The following GPR143 variants were observed in gnomAD, a reference collection of about 807,000 sequenced individuals.
GPR143 encodes G-protein coupled receptor 143.
A neutral mutation model predicts 27.6 loss-of-function variants in GPR143; 8 were observed. The observed-to-expected ratio is 0.29, with a 90% CI of 0.17 to 0.52. The LOEUF is 0.52. Among genes scored for constraint, GPR143 ranks in the 20% least tolerant of loss-of-function variants. GPR143 has a pLI of 0.96. For missense variants in GPR143, 303 were observed against 343.1 expected (o/e 0.88, Z 0.92); for synonymous variants, 156 against 153.2 (o/e 1.02, Z -0.13).
chrX:9,762,182 G>A (rs2083505462), intron 1 of GPR143, among the ~76,000 whole-genome samples: 1 of 111,349 alleles, frequency 9.0e-6, no homozygotes, highest in Admixed American at 9.6e-5. Flanking sequence ...CTGAGGTCAG[G>A]AGTTTAAGAC....
chrX:9,736,405 T>G (rs1320670719), intron 8 of GPR143, among the ~76,000 whole-genome samples: 1 of 111,142 alleles, frequency 9.0e-6, no homozygotes, highest in African/African-American at 3.3e-5. Flanking sequence ...ATTCAAAGGG[T>G]GACTAGATGT....
intron 5 of GPR143, among the ~76,000 whole-genome samples, chrX:9,743,922 A>G (rs1259817987): frequency 2.7e-5 from 3 of 112,976 alleles, no homozygotes; most frequent in African/African-American, 6.4e-5. Context: ...GATAAAAGAT[A>G]GCACAGAGAG....
Position 9,748,619 on chromosome X carries a change from A to G in GPR143, c.503T>C (p.Leu168Pro). Residue 168 changes from leucine (L) to proline (P), a missense_variant, in exon 4 of 9, where the codon CTC (leucine) becomes CCC (proline). Physicochemically the swap from Leu to Pro is moderately conservative, Grantham distance 98 (BLOSUM62 -3). Transcript: ENST00000467482. Reference sequence around the variant, plus strand: ...GAGCATGGCGGCTCCCTCCACACAGAGCAGGGTGGCCAGGCCCCACGCCAT... The same window carrying G: ...GAGCATGGCGGCTCCCTCCACACAGGGCAGGGTGGCCAGGCCCCACGCCAT... ...HIMAWGLATL[L>P]CVEGAAMLYY... The G allele has an allele frequency of 1.7e-6, 2 of 1,209,079 alleles. No individual in the cohort carries two copies. Among genetic ancestry groups the G allele is most frequent in the Non-Finnish European group, 2.2e-6 (2 of 892,880 alleles).
At chrX:9,740,026 A>G (rs1434279364) in intron 7 of GPR143, among the ~76,000 whole-genome samples, 2 of 103,902 alleles carry the variant, frequency 1.9e-5, no homozygotes, top group Non-Finnish European at 3.9e-5. Flanking sequence ...AAGAGAGAGG[A>G]GGGAAGACAG....
At chrX:9,755,078 TCA>T (rs2083467753) in intron 3 of GPR143, among the ~76,000 whole-genome samples, 2 of 111,658 alleles carry the variant, frequency 1.8e-5, no homozygotes, top group South Asian at 3.8e-4. Context: ...CATGCTCGGC[TCA>T]CAGAGTCTAT....
intron 3 of GPR143, among the ~76,000 whole-genome samples, chrX:9,756,260 G>C (rs1263484919): frequency 8.9e-6 from 1 of 112,173 alleles, no homozygotes; most frequent in Non-Finnish European, 1.9e-5. Context: ...AAAATTCTAA[G>C]TGGACCTAAA....
intron 8 of GPR143, among the ~76,000 whole-genome samples, chrX:9,735,108 G>A (rs73484551): frequency 0.02 from 2,241 of 112,520 alleles, 64 homozygotes; most frequent in African/African-American, 0.069. Flanking sequence ...GCCTCCCTAA[G>A]CGGAGACACA....
intron 6 of GPR143, among the ~76,000 whole-genome samples, chrX:9,742,595 A>G (rs2083409170): frequency 8.9e-6 from 1 of 112,346 alleles, no homozygotes. Context: ...ACCACAGTGC[A>G]GCATGTTCTG....
At chrX:9,773,638 C>T (rs774306685) in intron 1 of GPR143, among the ~76,000 whole-genome samples, 13 of 111,018 alleles carry the variant, frequency 1.2e-4, no homozygotes, top group African/African-American at 3.9e-4. Flanking sequence ...TTTGGGAGGC[C>T]GAGGCGGGTG....
intron 8 of GPR143, among the ~76,000 whole-genome samples, chrX:9,726,816 C>T (rs184446007): frequency 1.2e-3 from 140 of 112,488 alleles, no homozygotes; most frequent in African/African-American, 4.3e-3. Flanking sequence ...TCCTTTGGTC[C>T]TGTTTTCTTT....
chrX:9,751,319 G>A (rs5979173), intron 3 of GPR143, among the ~76,000 whole-genome samples: 13,207 of 111,791 alleles, frequency 0.12, 1,886 homozygotes, highest in African/African-American at 0.4. Flanking sequence ...ACAATCAGGC[G>A]GCCCCAGCAA....
chrX:9,773,986 C>T lies in GPR143; in HGVS notation c.-3+12256G>A, dbSNP rs1013980020. ...GAATGATGAAAATGATTTGTTCAAT[C>T]AAAAGTCAGCAAACCCAGCCAGATG... On this transcript the variant is annotated intron_variant, in intron 1 of 7. Coordinates refer to the GPR143 transcript ENST00000447366. 2.7e-5 allele frequency among the ~76,000 whole-genome samples: 3 copies of T among 110,433 alleles called. No homozygotes were observed. In the East Asian group the frequency reaches 8.6e-4, roughly 32 times the overall value.
At chrX:9,751,236 G>A (rs932414306) in intron 3 of GPR143, among the ~76,000 whole-genome samples, 1 of 112,286 alleles carries the variant, frequency 8.9e-6, no homozygotes, top group Non-Finnish European at 1.9e-5. Context: ...GGGCAGGCTG[G>A]CCGTCCCCGC....
intron 1 of GPR143, among the ~76,000 whole-genome samples, chrX:9,778,567 T>C (rs1403803472): frequency 4.6e-5 from 5 of 109,293 alleles, no homozygotes; most frequent in Non-Finnish European, 7.6e-5. Context: ...TTTCCCCAGC[T>C]GATATCTGAC....
chrX:9,760,153 G>A (rs745693617), intron 2 of GPR143, among the ~76,000 whole-genome samples: 18 of 111,693 alleles, frequency 1.6e-4, no homozygotes, highest in Middle Eastern at 4.7e-3. Context: ...GTGCAGTGGC[G>A]CGATCTTGGC....
chrX:9,774,347 A>G (rs1263387365), intron 1 of GPR143, among the ~76,000 whole-genome samples: 1 of 106,492 alleles, frequency 9.4e-6, no homozygotes, highest in African/African-American at 3.3e-5. Context: ...CCCACAGGGC[A>G]GCTCACAACA....
At chrX:9,754,917 C>T (rs2083467014) in intron 3 of GPR143, among the ~76,000 whole-genome samples, 2 of 111,905 alleles carry the variant, frequency 1.8e-5, no homozygotes, top group South Asian at 7.5e-4. Context: ...TTGTGTCAGA[C>T]CTCCGACCTC....
At position 9,748,780 on chromosome X, in the gene GPR143, G is replaced by A. The variant is rs757946325; in HGVS notation, c.456-114C>T. The A allele has an allele frequency of 2.1e-4, 111 of 523,273 alleles. No individual in the cohort carries two copies. In the African/African-American group the frequency reaches 2.3e-3, roughly 11 times the overall value. 43.1% of individuals were successfully genotyped at this position (523,273 alleles called of 1,213,427 possible). A position where few individuals can be genotyped will look rare whatever the true frequency, so the allele number is the denominator to read the frequency against. The stretch of plus-strand genomic sequence containing the variant: ...GTCAGGAAAATGTACACAGAGGAAA[G>A]CCCCTCGGCAAAGAGTTTCCTCGTG... On this transcript the variant is annotated intron_variant, in intron 3 of 8. Transcript: ENST00000467482.
chrX:9,771,384 G>C (rs780226804), intron 1 of GPR143, among the ~76,000 whole-genome samples: 1 of 111,417 alleles, frequency 9.0e-6, no homozygotes, highest in Non-Finnish European at 1.9e-5. Context: ...TTTTTAAATA[G>C]GGAGACATGT....
Sources: allele counts gnomAD v4.1 joint callset (sites outside exome capture counted in the v4.1 genomes callset), GRCh38; gene constraint gnomAD v4.1.1; transcripts MANE v1.5; gene names NCBI Gene and HGNC (gene_info 2026-07-23, HGNC 2026-07-21).